The following ATP2C2 variants were observed in gnomAD, a reference collection of about 807,000 sequenced individuals.
The protein encoded by ATP2C2 is ATPase secretory pathway Ca2+ transporting 2.
ATP2C2 carries 171 observed loss-of-function variants against 110.8 expected under a neutral mutation model. That is an observed-to-expected ratio of 1.54 (90% CI 1.36 to 1.75). The LOEUF is 1.75. Ranked by LOEUF, ATP2C2 falls within the 40% of genes most tolerant of loss-of-function variation. ATP2C2 has a pLI of 0.00. For missense variants in ATP2C2, 1,963 were observed against 1,235.0 expected, an observed-to-expected ratio of 1.59 and a Z score of -8.84; for synonymous variants, 804 against 508.4, an observed-to-expected ratio of 1.58 and a Z score of -7.82.
At chr16:84,415,364 AG>A (rs895445029) in intron 6 of ATP2C2, 118 bp from the exon 7 acceptor site, 6 of 809,844 alleles carry the variant, frequency 7.4e-6, no homozygotes, top group Admixed American at 2.0e-5. Context: ...CCAAAGGCAC[AG>A]GGTTGGTGTA....
At position 84,454,978 on chromosome 16, in the gene ATP2C2, C is replaced by T. The variant is rs754146829; in HGVS notation, c.2141C>T (p.Ala714Val). The T allele has an allele frequency of 2.5e-6, 4 of 1,613,094 alleles. No homozygotes were observed. Among genetic ancestry groups the T allele is most frequent in the Non-Finnish European group, 3.4e-6 (4 of 1,179,662 alleles). Residue 714 changes from alanine (A) to valine (V), a missense_variant, in exon 21 of 27, where the codon GCC becomes GTC. By Grantham distance (64) the Ala-to-Val change is moderately conservative. Coordinates refer to ENST00000262429, the MANE Select transcript of ATP2C2 (RefSeq NM_014861.4). Reference protein sequence around the residue: ...NMILVDDDFSAIMNAVEEGKG... With the variant: ...NMILVDDDFSVIMNAVEEGKG... ...ATCCTGGTGGATGATGACTTCTCAG[C>T]CATCATGTAAGCTGCCCTTCTGGTT...
At chr16:84,394,085 G>A (rs1021566369) in intron 1 of ATP2C2, among the ~76,000 whole-genome samples, 2 of 151,908 alleles carry the variant, frequency 1.3e-5, no homozygotes, top group Admixed American at 1.3e-4. Context: ...AGGCTGAGGT[G>A]GGAGAATCAA....
At chr16:84,389,118 C>T (rs1904496092) in intron 1 of ATP2C2, among the ~76,000 whole-genome samples, 1 of 152,174 alleles carries the variant, frequency 6.6e-6, no homozygotes, top group Non-Finnish European at 1.5e-5. Flanking sequence ...GGTTCTTTCT[C>T]TGCCTCTTCT....
chr16:84,368,732 C>T lies in ATP2C2; in HGVS notation c.99+18C>T, dbSNP rs779604132. ...AAGCCTTGGTGAGTCCCCGCGACTC[C>T]GCGCCGGGCGTGCGACCCGACCCCC... On this transcript the variant is annotated intron_variant, in intron 1 of 26. Transcript: ENST00000262429. The T allele has an allele frequency of 2.1e-5, 32 of 1,498,274 alleles. No homozygotes were observed. The African/African-American group carries it at 3.7e-4, about 17-fold the overall frequency. 92.8% of individuals were successfully genotyped at this position (1,498,274 alleles called of 1,614,324 possible). A position where few individuals can be genotyped will look rare whatever the true frequency, so the allele number is the denominator to read the frequency against.
At position 84,412,442 on chromosome 16, in the gene ATP2C2, ATG is replaced by A. The variant is rs1369241341; in HGVS notation, c.515+1685_515+1686del. On this transcript the variant is annotated intron_variant, in intron 6 of 26. Coordinates refer to ENST00000262429, the MANE Select transcript of ATP2C2 (RefSeq NM_014861.4). Reference sequence around the variant, plus strand: ...TGTATGTGTGTGCGTGTGTGTATGCATGTGTGTGTCTGTGTCTCCGTGTGTGT... The same window carrying A: ...TGTATGTGTGTGCGTGTGTGTATGCATGTGTGTCTGTGTCTCCGTGTGTGT... Among the ~76,000 whole-genome samples the A allele has an allele frequency of 3.5e-3, 466 of 131,518 alleles. 2 individuals carry two copies. The highest frequency in any genetic ancestry group is 5.3e-3 in the Non-Finnish European group (322 of 61,256). 86.3% of individuals were successfully genotyped at this position (131,518 alleles called of 152,430 possible). A position where few individuals can be genotyped will look rare whatever the true frequency, so the allele number is the denominator to read the frequency against.
chr16:84,379,632 C>A (rs972210707), intron 1 of ATP2C2, among the ~76,000 whole-genome samples: 1 of 152,138 alleles, frequency 6.6e-6, no homozygotes, highest in African/African-American at 2.4e-5. Flanking sequence ...CAAGCCTCGC[C>A]GGGGGGTTCT....
intron 7 of ATP2C2, among the ~76,000 whole-genome samples, chr16:84,417,152 G>T (rs547591554): frequency 6.6e-6 from 1 of 152,158 alleles, no homozygotes; most frequent in Non-Finnish European, 1.5e-5. Flanking sequence ...AATGGGGGGT[G>T]GTGATGCCCA....
chr16:84,387,476 C>T (rs1292724670), intron 1 of ATP2C2, among the ~76,000 whole-genome samples: 2 of 152,136 alleles, frequency 1.3e-5, no homozygotes, highest in Admixed American at 1.3e-4. Context: ...TGCGCCATTG[C>T]ACTCCAGCCT....
chr16:84,423,161 A>C, intron 9 of ATP2C2, 27 bp from the exon 10 acceptor site: 2 of 1,603,380 alleles, frequency 1.2e-6, no homozygotes, highest in Non-Finnish European at 8.5e-7. Context: ...ATCTTGTCCA[A>C]CTAACCCATT....
chr16:84,451,012 G>A (rs1172305977), intron 17 of ATP2C2, among the ~76,000 whole-genome samples: 8 of 152,144 alleles, frequency 5.3e-5, no homozygotes, highest in East Asian at 1.9e-4. Context: ...CATGAGTGGT[G>A]TATTAGTTTA....
chr16:84,420,502 G>C (rs1414393933), intron 7 of ATP2C2, among the ~76,000 whole-genome samples: 1 of 134,668 alleles, frequency 7.4e-6, no homozygotes, highest in Non-Finnish European at 1.6e-5. Context: ...GGACTTCATT[G>C]TTTAGAAATG....
At chr16:84,397,691 G>T (rs943666723) in intron 1 of ATP2C2, among the ~76,000 whole-genome samples, 1 of 90,076 alleles carries the variant, frequency 1.1e-5, no homozygotes, top group Non-Finnish European at 2.6e-5. Flanking sequence ...AAAAATAGAT[G>T]CATCAGTATT....
intron 9 of ATP2C2, 75 bp from the exon 10 acceptor site, chr16:84,423,113 G>C: frequency 1.5e-6 from 2 of 1,311,456 alleles, no homozygotes; most frequent in Non-Finnish European, 2.2e-6. Context: ...AGGATGGCAA[G>C]GTGAAGACAT....
At chr16:84,409,339 T>C (rs570173902) in intron 4 of ATP2C2, among the ~76,000 whole-genome samples, 1 of 152,146 alleles carries the variant, frequency 6.6e-6, no homozygotes, top group South Asian at 2.1e-4. Context: ...TTAGGAGAAA[T>C]ACCTAATGTA....
chr16:84,458,679 G>C (rs78078597), intron 21 of ATP2C2, among the ~76,000 whole-genome samples: 16 of 152,298 alleles, frequency 1.1e-4, no homozygotes, highest in Non-Finnish European at 1.6e-4. Context: ...AGAAGCAGGC[G>C]ATGTCCTTCA....
chr16:84,419,208 TAAAAAA>T (rs59552270), intron 7 of ATP2C2, among the ~76,000 whole-genome samples: 24 of 47,494 alleles, frequency 5.1e-4, no homozygotes, highest in African/African-American at 1.2e-3. Context: ...ACCCCATCTT[TAAAAAA>T]AAAAAAAAAA....
intron 10 of ATP2C2, among the ~76,000 whole-genome samples, chr16:84,424,011 T>G (rs1455971627): frequency 6.6e-6 from 1 of 152,206 alleles, no homozygotes; most frequent in Non-Finnish European, 1.5e-5. Context: ...TCTGTGTCCT[T>G]TATTCCAGCC....
At position 84,431,908 on chromosome 16, in the gene ATP2C2, A is replaced by T. The variant is rs533175398; in HGVS notation, c.986+6107A>T. The stretch of plus-strand genomic sequence containing the variant: ...ATTACAGAAGCGGGGGCTGGGAGGA[A>T]GGGGGCACTGGAGCAGGACGCCGAG... On this transcript the variant is annotated intron_variant, in intron 11 of 26. Transcript: ENST00000262429. 1.4e-4 allele frequency among the ~76,000 whole-genome samples: 21 copies of T among 152,140 alleles called. No homozygotes were observed. The South Asian group carries it at 4.4e-3, about 32-fold the overall frequency.
intron 14 of ATP2C2, among the ~76,000 whole-genome samples, chr16:84,441,976 A>G (rs1460489714): frequency 7.6e-6 from 1 of 131,882 alleles, no homozygotes; most frequent in East Asian, 2.0e-4. Context: ...AATAAAAAAG[A>G]AAAGAAAAGA....
Sources: allele counts gnomAD v4.1 joint callset (sites outside exome capture counted in the v4.1 genomes callset), GRCh38; gene constraint gnomAD v4.1.1; transcripts MANE v1.5; gene names NCBI Gene and HGNC (gene_info 2026-07-23, HGNC 2026-07-21).